Variants in TENM1 observed in about 807,000 individuals in gnomAD.
TENM1 encodes teneurin transmembrane protein 1.
Under a neutral mutation model 174.8 loss-of-function variants are expected in TENM1, and 35 were observed. The ratio of observed to expected loss-of-function variants is 0.20; its 90% CI spans 0.15 to 0.27. TENM1 has a LOEUF of 0.27. Among genes scored for constraint, TENM1 ranks in the 10% least tolerant of loss-of-function variants. The probability of loss-of-function intolerance (pLI) is 1.00; values close to 1 mark genes in which losing one functional copy is unlikely to be tolerated. For synonymous variants in TENM1, 781 were observed against 798.7 expected, an observed-to-expected ratio of 0.98 and a Z score of 0.37; for missense variants, 1,633 against 2,130.1, an observed-to-expected ratio of 0.77 and a Z score of 4.59.
rs2061317195 is a variant in TENM1, at chrX:124,471,353, A to G, written c.3949+10379T>C. Among the ~76,000 whole-genome samples the G allele has an allele frequency of 7.4e-5, 3 of 40,772 alleles. 1 individual carries two copies. Among genetic ancestry groups the G allele is most frequent in the Admixed American group, 4.8e-4 (1 of 2,094 alleles). The allele number at this position is 40,772 out of a possible 115,157, so 35.4% of individuals were successfully genotyped here. ...TATAGTACTATATATAATATATATT[A>G]TAATATATAGTACTATATATTATAA... is the stretch of plus-strand genomic sequence containing the variant. On this transcript the variant is annotated intron_variant, in intron 22 of 31. Transcript: ENST00000422452.
the TENM1 span, among the ~76,000 whole-genome samples, chrX:125,168,466 G>A: frequency 1.8e-5 from 2 of 111,548 alleles, no homozygotes; most frequent in South Asian, 7.4e-4. Context: ...CTGCCCTTGT[G>A]TAATACCTTC....
intron 23 of TENM1, among the ~76,000 whole-genome samples, chrX:124,438,359 G>A (rs2060867075): frequency 9.0e-6 from 1 of 110,909 alleles, no homozygotes; most frequent in African/African-American, 3.3e-5. Flanking sequence ...GTATCTTAGA[G>A]AGATACAGAA....
intron 6 of TENM1, among the ~76,000 whole-genome samples, chrX:124,668,864 TTCA>T (rs1821723896): frequency 8.9e-6 from 1 of 112,063 alleles, no homozygotes; most frequent in African/African-American, 3.2e-5. Flanking sequence ...GAAAGTGCCA[TTCA>T]TCATTATCTG....
chrX:124,549,433 T>C (rs1253679630), intron 14 of TENM1, among the ~76,000 whole-genome samples: 2 of 112,047 alleles, frequency 1.8e-5, no homozygotes, highest in Non-Finnish European at 1.9e-5. Context: ...AATAATCACA[T>C]TGGGCAGTCA....
At chrX:124,649,608 G>T (rs2051245681) in intron 8 of TENM1, among the ~76,000 whole-genome samples, 1 of 112,275 alleles carries the variant, frequency 8.9e-6, no homozygotes, top group Admixed American at 9.4e-5. Context: ...TCCTGCTACA[G>T]AGCAAGTTGC....
At chrX:124,402,521 C>T (rs1162588855) in intron 27 of TENM1, among the ~76,000 whole-genome samples, 1 of 112,274 alleles carries the variant, frequency 8.9e-6, no homozygotes, top group Non-Finnish European at 1.9e-5. Context: ...TGACAATTAG[C>T]TTCTCAGCAC....
intron 4 of TENM1, among the ~76,000 whole-genome samples, chrX:124,723,518 T>A (rs1755980651): frequency 9.0e-6 from 1 of 111,197 alleles, no homozygotes; most frequent in African/African-American, 3.3e-5. Flanking sequence ...ATACTTACTA[T>A]TATTACATTT....
exon 1 of TENM1, chrX:124,963,816 T>C: frequency 1.1e-6 from 1 of 945,303 alleles, no homozygotes; most frequent in Non-Finnish European, 1.5e-6. Context: ...ATGCAAGCAG[T>C]CCTGGAAGAG....
intron 25 of TENM1, among the ~76,000 whole-genome samples, chrX:124,415,569 T>G (rs1432539279): frequency 3.6e-5 from 4 of 111,790 alleles, no homozygotes; most frequent in Non-Finnish European, 5.6e-5. Flanking sequence ...AACTAGCATG[T>G]GAATGGGCAC....
the TENM1 span, among the ~76,000 whole-genome samples, chrX:125,052,867 T>G: frequency 8.9e-6 from 1 of 111,780 alleles, no homozygotes; most frequent in African/African-American, 3.3e-5. Flanking sequence ...AATGGCACAA[T>G]TTTAATTAAA....
chrX:124,846,402 A>AC (rs2056609271), intron 3 of TENM1, among the ~76,000 whole-genome samples: 4 of 111,574 alleles, frequency 3.6e-5, no homozygotes, highest in Admixed American at 2.9e-4. Flanking sequence ...GAAGTGATTC[A>AC]CCGTGGCTCA....
At chrX:124,406,756 T>C (rs992013662) in intron 25 of TENM1, among the ~76,000 whole-genome samples, 1 of 111,812 alleles carries the variant, frequency 8.9e-6, no homozygotes, top group Non-Finnish European at 1.9e-5. Flanking sequence ...GGTGGAACAC[T>C]GATTTATGAA....
At chrX:124,576,375 T>G (rs1436962592) in intron 11 of TENM1, among the ~76,000 whole-genome samples, 3 of 111,697 alleles carry the variant, frequency 2.7e-5, no homozygotes, top group Non-Finnish European at 5.7e-5. Flanking sequence ...AATATTAACT[T>G]TTAAGGCTCA....
At chrX:125,101,170 C>A in the TENM1 span, among the ~76,000 whole-genome samples, 1 of 111,957 alleles carries the variant, frequency 8.9e-6, no homozygotes, top group Non-Finnish European at 1.9e-5. Flanking sequence ...TGCTAAATGC[C>A]AAGTTAAACA....
the TENM1 span, among the ~76,000 whole-genome samples, chrX:125,146,232 GC>G: frequency 8.1e-5 from 9 of 111,023 alleles, no homozygotes; most frequent in African/African-American, 3.0e-4. Flanking sequence ...GTGAAATTGG[GC>G]AAAATGGTGG....
At chrX:125,019,650 T>G in the TENM1 span, among the ~76,000 whole-genome samples, 2 of 110,978 alleles carry the variant, frequency 1.8e-5, no homozygotes, top group African/African-American at 3.3e-5. Flanking sequence ...TTTGGATATT[T>G]AGAAAAAAAG....
At chrX:124,797,685 T>C (rs1191765732) in intron 3 of TENM1, among the ~76,000 whole-genome samples, 2 of 110,818 alleles carry the variant, frequency 1.8e-5, no homozygotes, top group Admixed American at 1.9e-4. Context: ...AAGGTTTTTT[T>C]TTTTTTTAAT....
the TENM1 span, among the ~76,000 whole-genome samples, chrX:125,014,438 A>G: frequency 8.9e-6 from 1 of 112,814 alleles, no homozygotes; most frequent in Non-Finnish European, 1.9e-5. Flanking sequence ...TAGATTCTTT[A>G]AAAGCTAACT....
the TENM1 span, among the ~76,000 whole-genome samples, chrX:125,121,785 G>T: frequency 8.9e-6 from 1 of 112,290 alleles, no homozygotes; most frequent in Non-Finnish European, 1.9e-5. Context: ...TACAATTATG[G>T]GTAAGGCCGG....
Sources: allele counts gnomAD v4.1 joint callset (sites outside exome capture counted in the v4.1 genomes callset), GRCh38; gene constraint gnomAD v4.1.1; transcripts MANE v1.5; gene names NCBI Gene and HGNC (gene_info 2026-07-23, HGNC 2026-07-21).